The following CHMP3 variants were observed in gnomAD, a reference collection of about 807,000 sequenced individuals.
The protein encoded by CHMP3 is 25.1 protein.
In CHMP3, 8 loss-of-function variants were observed where a neutral mutation model predicts 27.4. The ratio of observed to expected loss-of-function variants is 0.29; its 90% confidence interval spans 0.17 to 0.53. The LOEUF (loss-of-function observed/expected upper bound fraction) is 0.53, where lower values mean the gene tolerates loss of function less well. Among genes scored for constraint, CHMP3 ranks in the 20% least tolerant of loss-of-function variants. The probability of loss-of-function intolerance (pLI) is 0.96; values close to 1 mark genes in which losing one functional copy is unlikely to be tolerated. For synonymous variants in CHMP3, 86 were observed against 85.5 expected (o/e 1.01, Z -0.03); for missense variants, 208 against 271.5 (o/e 0.77, Z 1.64).
rs1388553036 is a variant in CHMP3, at chr2:86,505,095, G to C, written c.*709C>G. 6.6e-6 allele frequency: 1 copy of C among 152,448 alleles called. No individual in the cohort carries two copies. Among genetic ancestry groups the C allele is most frequent in the Non-Finnish European group, 1.5e-5 (1 of 68,126 alleles). The allele number at this position is 152,448 out of a possible 1,614,324, so 9.4% of individuals were successfully genotyped here. On this transcript the variant is annotated 3_prime_UTR_variant, in exon 6 of 6. Transcript: ENST00000263856. The stretch of plus-strand genomic sequence containing the variant: ...CAGGGACAGGCAATGAGAGGTGAAA[G>C]AGACCTAGTACTACAGCTGTCTCAT...
intron 3 of CHMP3, among the ~76,000 whole-genome samples, chr2:86,520,796 C>G (rs537529353): frequency 6.6e-6 from 1 of 152,148 alleles, no homozygotes; most frequent in African/African-American, 2.4e-5. Context: ...ACCTGGGCCT[C>G]CCTTTTATTG....
chr2:86,515,019 G>A (rs1675240900), intron 3 of CHMP3, among the ~76,000 whole-genome samples: 1 of 152,014 alleles, frequency 6.6e-6, no homozygotes, highest in Non-Finnish European at 1.5e-5. Context: ...AATAAACTGG[G>A]CAGCATTTCA....
Position 86,504,521 on chromosome 2 carries a change from T to C in CHMP3, c.*1283A>G, listed in dbSNP as rs2104733453. 1 of 145,230 alleles carries C rather than the reference T, an allele frequency of 6.9e-6. No homozygotes were observed. The highest frequency in any genetic ancestry group is 2.0e-4 in the East Asian group (1 of 5,060). The allele number at this position is 145,230 out of a possible 1,614,324, so 9.0% of individuals were successfully genotyped here. On this transcript the variant is annotated 3_prime_UTR_variant, in exon 6 of 6. Coordinates refer to ENST00000263856, the MANE Select transcript of CHMP3 (RefSeq NM_016079.4). ...TGAAATTTTTTTTTTTTTTTTTTTT[T>C]TTTTTTGGAGAGACAGGATCTTGCT...
rs558047919 is a variant in CHMP3 at position 86,525,057 on chromosome 2, CATT to C, written c.286+4158_286+4160del. 1.5e-4 allele frequency among the ~76,000 whole-genome samples: 21 copies of C among 143,638 alleles called. No homozygotes were observed. The South Asian group carries it at 3.9e-3, about 27-fold the overall frequency. The allele number at this position is 143,638 out of a possible 152,430, so 94.2% of individuals were successfully genotyped here. A position where few individuals can be genotyped will look rare whatever the true frequency, so the allele number is the denominator to read the frequency against. On this transcript the variant is annotated intron_variant, in intron 3 of 5. Transcript: ENST00000263856. ...CTTGCTTTCTTATTAAATGATGCAT[CATT>C]AACATCTTTCTGTAGCTGAATACTA...
chr2:86,529,163 A>G (rs765952614), intron 3 of CHMP3, 55 bp downstream of exon 3: 40 of 1,456,552 alleles, frequency 2.7e-5, no homozygotes, highest in Non-Finnish European at 3.5e-5. Context: ...ACCCGTGTTG[A>G]TAATAACAGC....
At chr2:86,508,434 C>T (rs1674967691) in intron 4 of CHMP3, among the ~76,000 whole-genome samples, 1 of 152,172 alleles carries the variant, frequency 6.6e-6, no homozygotes, top group Non-Finnish European at 1.5e-5. Context: ...CAGCAACCTC[C>T]AAAGTCAACA....
rs769149856 is a variant in CHMP3, at chr2:86,554,814, C to CGTGTGTGTGTGTGT, written c.45+8489_45+8490insACACACACACACAC. 7.7e-4 allele frequency among the ~76,000 whole-genome samples: 107 copies of CGTGTGTGTGTGTGT among 138,086 alleles called. 3 individuals are homozygous for CGTGTGTGTGTGTGT. The highest frequency in any genetic ancestry group is 2.7e-3 in the Admixed American group (39 of 14,360). 90.6% of individuals were successfully genotyped at this position (138,086 alleles called of 152,430 possible). Reference sequence around the variant, plus strand: ...CATCAATAGAATAAATGTGTGTGCGCGCGTGTGTGTGTGTGTGTGTGTGTG... The same window carrying CGTGTGTGTGTGTGT: ...CATCAATAGAATAAATGTGTGTGCGCGTGTGTGTGTGTGTGCGTGTGTGTGTGTGTGTGTGTGTG... On this transcript the variant is annotated intron_variant, in intron 1 of 5. Transcript: ENST00000263856.
At chr2:86,539,275 G>A (rs933159630) in intron 2 of CHMP3, among the ~76,000 whole-genome samples, 10 of 152,084 alleles carry the variant, frequency 6.6e-5, no homozygotes, top group Non-Finnish European at 1.5e-4. Context: ...TCACCATCAA[G>A]TAGTGAAGTC....
At chr2:86,532,752 T>A (rs1207742378) in intron 2 of CHMP3, among the ~76,000 whole-genome samples, 3 of 152,232 alleles carry the variant, frequency 2.0e-5, no homozygotes, top group African/African-American at 7.2e-5. Context: ...AAATTTTACA[T>A]GTTGAATCAT....
At chr2:86,519,508 C>A (rs1349196735) in intron 3 of CHMP3, among the ~76,000 whole-genome samples, 4 of 152,150 alleles carry the variant, frequency 2.6e-5, no homozygotes, top group Admixed American at 2.6e-4. Context: ...AGAGGGAAGA[C>A]TGCCTCATGT....
intron 4 of CHMP3, among the ~76,000 whole-genome samples, chr2:86,508,972 G>A (rs1048685827): frequency 2.0e-5 from 3 of 152,176 alleles, no homozygotes; most frequent in Non-Finnish European, 4.4e-5. Flanking sequence ...GGTAGAAGTT[G>A]TCATTTATTT....
At chr2:86,542,190 T>C in intron 2 of CHMP3, 62 bp downstream of exon 2, 1 of 1,542,442 alleles carries the variant, frequency 6.5e-7, no homozygotes, top group Non-Finnish European at 8.9e-7. Context: ...AGTTTATTTT[T>C]ATGAACTGAA....
intron 2 of CHMP3, among the ~76,000 whole-genome samples, chr2:86,532,942 AG>A (rs1389011558): frequency 1.3e-5 from 2 of 152,234 alleles, no homozygotes; most frequent in African/African-American, 4.8e-5. Flanking sequence ...CTGGCAACAT[AG>A]AATGAATAAG....
intron 2 of CHMP3, among the ~76,000 whole-genome samples, chr2:86,532,929 A>G (rs1675985630): frequency 6.6e-6 from 1 of 152,240 alleles, no homozygotes; most frequent in Admixed American, 6.5e-5. Context: ...TATCAGGACA[A>G]TACTGGCAAC....
intron 5 of CHMP3, among the ~76,000 whole-genome samples, chr2:86,506,536 T>G (rs113737315): frequency 2.6e-5 from 4 of 152,146 alleles, no homozygotes; most frequent in African/African-American, 9.7e-5. Flanking sequence ...TTAACGAGTA[T>G]ATTTCTATAC....
chr2:86,551,478 A>C (rs1388554074), intron 1 of CHMP3, among the ~76,000 whole-genome samples: 2 of 152,120 alleles, frequency 1.3e-5, no homozygotes, highest in East Asian at 3.9e-4. Context: ...GCTGGTCTCA[A>C]ACAACTGACC....
intron 1 of CHMP3, among the ~76,000 whole-genome samples, chr2:86,554,822 T>C (rs573449257): frequency 4.1e-4 from 60 of 146,860 alleles, no homozygotes; most frequent in African/African-American, 1.2e-3. Flanking sequence ...CGCGCGTGTG[T>C]GTGTGTGTGT....
chr2:86,554,438 G>A (rs954559531), intron 1 of CHMP3, among the ~76,000 whole-genome samples: 30 of 152,126 alleles, frequency 2.0e-4, no homozygotes, highest in African/African-American at 7.0e-4. Flanking sequence ...GAAATGACAA[G>A]TCACATAACT....
chr2:86,555,143 C>T (rs113606653), intron 1 of CHMP3, among the ~76,000 whole-genome samples: 2,801 of 152,080 alleles, frequency 0.018, 48 homozygotes, highest in East Asian at 0.054. Context: ...CCACCGCTCC[C>T]GGCCTTAGAA....
Sources: gnomAD v4.1 joint callset for allele counts (sites outside exome capture counted in the v4.1 genomes callset) on GRCh38, gnomAD v4.1.1 for gene constraint, MANE v1.5 for transcripts, NCBI Gene and HGNC (gene_info 2026-07-23, HGNC 2026-07-21) for gene names.